The following COMP variants were observed in gnomAD, a reference collection of about 807,000 sequenced individuals.
COMP encodes the protein cartilage oligomeric matrix protein (pseudoachondroplasia, epiphyseal dysplasia 1, multiple).
COMP carries 79 observed loss-of-function variants against 95.8 expected under a neutral mutation model. The ratio of observed to expected loss-of-function variants is 0.82; its 90% confidence interval spans 0.69 to 0.99. The LOEUF is 0.99. Among genes scored for constraint, COMP ranks in the 50% least tolerant of loss-of-function variants. The pLI is 0.00. For synonymous variants in COMP, 438 were observed against 433.9 expected (o/e 1.01, Z -0.12); for missense variants, 906 against 1,076.1 (o/e 0.84, Z 2.21).
At position 18,790,932 on chromosome 19, in the gene COMP, G is replaced by C; in HGVS notation, c.83C>G (p.Ser28Ter). ...CCGAAGCATCTGCGGGCCCAGGTCT[G>C]AGCCTGCGGCGGCAGGGGACCTGGT... ...ASGQGQSPLG[S>*]DLGPQMLREL... Residue 28 changes from serine to a stop codon, truncating the protein, a stop_gained, in exon 2 of 19, where the codon TCA becomes TGA. Transcript: ENST00000222271. LOFTEE classifies it high-confidence loss of function. The C allele has an allele frequency of 1.9e-6, 3 of 1,558,426 alleles. No homozygotes were observed. The highest frequency in any genetic ancestry group is 2.6e-6 in the Non-Finnish European group (3 of 1,152,126).
In COMP at chr19:18,785,672, C is replaced by A. The variant is rs752778447; in HGVS notation, c.1668+1G>T. 4 of 1,613,486 alleles carry A rather than the reference C, an allele frequency of 2.5e-6. No individual in the cohort carries two copies. Among genetic ancestry groups the A allele is most frequent in the Non-Finnish European group, 2.5e-6 (3 of 1,180,020 alleles). On this transcript the variant is annotated splice_donor_variant, in intron 14 of 18. Coordinates refer to ENST00000222271, the MANE Select transcript of COMP (RefSeq NM_000095.3). LOFTEE classifies it high-confidence loss of function. ...ACCCCCCACGTGGACCCCGCTCCCA[C>A]CTGGTTGAGCACCACCCAGTTGGGG...
In COMP at chr19:18,784,401, G is replaced by C. The variant is rs1459788180; in HGVS notation, c.1915-38C>G. ...AGGAAAGGTGGTCAGAGACCTCGTGGGCCACCGGAGCCCCCCTAGACACCT... is the reference window on the plus strand; with the variant it reads ...AGGAAAGGTGGTCAGAGACCTCGTGCGCCACCGGAGCCCCCCTAGACACCT... On this transcript the variant is annotated intron_variant, in intron 16 of 18. Transcript: ENST00000222271. The surrounding 1 kb of genome is among the most constrained non-coding windows in gnomAD (Gnocchi z 4.9). 9.3e-6 allele frequency: 15 copies of C among 1,612,212 alleles called. No individual in the cohort carries two copies. The highest frequency in any genetic ancestry group is 1.3e-5 in the Non-Finnish European group (15 of 1,179,180).
rs1370839125 is a variant in COMP at position 18,790,125 on chromosome 19, G to T, written c.218-11C>A. The T allele has an allele frequency of 2.6e-6, 4 of 1,522,174 alleles. No individual in the cohort carries two copies. Among genetic ancestry groups the T allele is most frequent in the African/African-American group, 1.4e-5 (1 of 72,600 alleles). 94.3% of individuals were successfully genotyped at this position (1,522,174 alleles called of 1,614,324 possible). ...CTGACTGCTGCATCCCTGCGGGGGG[G>T]AGGGGGGAGAAGCGGCGGGGCTGAT... On this transcript the variant is annotated splice_polypyrimidine_tract_variant and intron_variant, in intron 3 of 18. Transcript: ENST00000222271.
rs766649088 is a variant in COMP at position 18,785,565 on chromosome 19, G to T, written c.1669-19C>A. The T allele has an allele frequency of 6.2e-7, 1 of 1,614,018 alleles. No homozygotes were observed. Among genetic ancestry groups the T allele is most frequent in the South Asian group, 1.1e-5 (1 of 91,072 alleles). On this transcript the variant is annotated intron_variant, in intron 14 of 18. Transcript: ENST00000222271. ...CCCTTCCCTGATGGGGTCAAAGAAAGGAGGGCCTCAGGCTGGCCGTGACAG... is the reference window on the plus strand; with the variant it reads ...CCCTTCCCTGATGGGGTCAAAGAAATGAGGGCCTCAGGCTGGCCGTGACAG...
rs759794906 is a variant in COMP, at chr19:18,790,928, G to A, written c.87C>T (p.Asp29=). ...GTTCCCGAAGCATCTGCGGGCCCAG[G>A]TCTGAGCCTGCGGCGGCAGGGGACC... ...SGQGQSPLGS[D]LGPQMLRELQ... The change falls in exon 2 of 19, where the codon GAC becomes GAT. Residue 29 remains aspartate, a synonymous_variant. Transcript: ENST00000222271. 4.2e-5 allele frequency: 65 copies of A among 1,559,528 alleles called. No individual in the cohort carries two copies. Among genetic ancestry groups the A allele is most frequent in the Non-Finnish European group, 5.2e-6 (6 of 1,152,784 alleles).
At position 18,791,288 on chromosome 19, in the gene COMP, G is replaced by T. The variant is rs1306253557; in HGVS notation, c.-19C>A. ...GGACCATGGCGGTGGCGGGGAGCTG[G>T]GTGGCTGCTCGCTTTCTACCGCCCA... is the stretch of plus-strand genomic sequence containing the variant. On this transcript the variant is annotated 5_prime_UTR_variant, in exon 1 of 19. Coordinates refer to ENST00000222271, the MANE Select transcript of COMP (RefSeq NM_000095.3). 4.4e-6 allele frequency: 7 copies of T among 1,580,802 alleles called. No homozygotes were observed. Among genetic ancestry groups the T allele is most frequent in the South Asian group, 3.5e-5 (3 of 86,816 alleles).
rs1311065591 is a variant in COMP, at chr19:18,789,251, C to G, written c.437G>C (p.Ser146Thr). The G allele has an allele frequency of 6.6e-7, 1 of 1,525,032 alleles. No homozygotes were observed. Among genetic ancestry groups the G allele is most frequent in the Non-Finnish European group, 8.7e-7 (1 of 1,143,624 alleles). The allele number at this position is 1,525,032 out of a possible 1,614,324, so 94.5% of individuals were successfully genotyped here. Residue 146 changes from serine to threonine, a missense_variant, in exon 5 of 19, where the codon AGC becomes ACC. Physicochemically the swap from Ser to Thr is moderately conservative, Grantham distance 58 (BLOSUM62 1). Transcript: ENST00000222271. The surrounding 1 kb of genome is among the most constrained non-coding windows in gnomAD (Gnocchi z 6.1). Reference sequence around the variant, plus strand: ...GCAAGCCTCGCAGCGGAACCCCGGGCTGGTGTTGATACAGCGGACTCGGGG... The same window carrying G: ...GCAAGCCTCGCAGCGGAACCCCGGGGTGGTGTTGATACAGCGGACTCGGGG... ...CFPRVRCINT[S>T]PGFRCEACPP... is the part of the protein sequence containing the mutation.
At chr19:18,787,881 T>TCTTTCTTTTTTTTGAGA (rs2055180562) in intron 9 of COMP, among the ~76,000 whole-genome samples, 1 of 87,994 alleles carries the variant, frequency 1.1e-5, no homozygotes, top group Non-Finnish European at 2.3e-5. Flanking sequence ...TTTCTTTCTT[T>TCTTTCTTTTTTTTGAGA]CTTTCTTTCT....
At position 18,789,800 on chromosome 19, in the gene COMP, G is replaced by C; in HGVS notation, c.390+142C>G. On this transcript the variant is annotated intron_variant, in intron 4 of 18. Transcript: ENST00000222271. This position sits in a 1 kb window ranked among gnomAD's most constrained non-coding sequence, Gnocchi z 6.1. The stretch of plus-strand genomic sequence containing the variant: ...GTTGGGCGTCCCCCCGCGGTAAGGA[G>C]GTAGTCTGGCCGTGCGCCCCCGGAG... The C allele has an allele frequency of 9.3e-7, 1 of 1,076,658 alleles. No individual in the cohort carries two copies. The highest frequency in any genetic ancestry group is 1.4e-6 in the Non-Finnish European group (1 of 730,408). 66.7% of individuals were successfully genotyped at this position (1,076,658 alleles called of 1,614,324 possible). A position where few individuals can be genotyped will look rare whatever the true frequency, so the allele number is the denominator to read the frequency against.
In COMP at chr19:18,789,055, C is replaced by T; in HGVS notation, c.528+105G>A. On this transcript the variant is annotated intron_variant, in intron 5 of 18. Transcript: ENST00000222271. The surrounding 1 kb of genome is among the most constrained non-coding windows in gnomAD (Gnocchi z 6.1). The stretch of plus-strand genomic sequence containing the variant: ...CCCTGGCGCAGCGGACCCCTCCTCT[C>T]CCCACCCCTCCCGCTGGAAGGAGGC... The T allele has an allele frequency of 2.6e-6, 4 of 1,539,870 alleles. No homozygotes were observed. Among genetic ancestry groups the T allele is most frequent in the Non-Finnish European group, 3.5e-6 (4 of 1,136,038 alleles).
At position 18,784,777 on chromosome 19, in the gene COMP, T is replaced by G; in HGVS notation, c.1914+119A>C. 1 of 1,142,900 alleles carries G rather than the reference T, an allele frequency of 8.7e-7. No individual in the cohort carries two copies. Among genetic ancestry groups the G allele is most frequent in the Non-Finnish European group, 1.3e-6 (1 of 774,324 alleles). 70.8% of individuals were successfully genotyped at this position (1,142,900 alleles called of 1,614,324 possible). ...GAGCCCAGAGGAGGGCTGGGACAGC[T>G]TTGAGGTCCATAGTATGAGGCTAGG... is the stretch of plus-strand genomic sequence containing the variant. On this transcript the variant is annotated intron_variant, in intron 16 of 18. Transcript: ENST00000222271. The surrounding 1 kb of genome is among the most constrained non-coding windows in gnomAD (Gnocchi z 4.9).
chr19:18,790,772 T>G, intron 2 of COMP, 78 bp downstream of exon 2: 1 of 1,589,092 alleles, frequency 6.3e-7, no homozygotes, highest in Non-Finnish European at 8.5e-7. Flanking sequence ...CCTTCTCGGG[T>G]ACTTCCTCTC....
Position 18,789,299 on chromosome 19 carries a change from T to A in COMP, c.391-2A>T. ...GGGGAAGCAGGGGTGGGCGTTGCACTGGGGGAGGAGGGGCCACAGAGGGTC... is the reference window on the plus strand; with the variant it reads ...GGGGAAGCAGGGGTGGGCGTTGCACAGGGGGAGGAGGGGCCACAGAGGGTC... On this transcript the variant is annotated splice_acceptor_variant, in intron 4 of 18. Transcript: ENST00000222271. LOFTEE classifies it high-confidence loss of function. This position sits in a 1 kb window ranked among gnomAD's most constrained non-coding sequence, Gnocchi z 6.1. The A allele has an allele frequency of 6.8e-7, 1 of 1,474,470 alleles. No individual in the cohort carries two copies. The highest frequency in any genetic ancestry group is 9.0e-7 in the Non-Finnish European group (1 of 1,114,466). The allele number at this position is 1,474,470 out of a possible 1,614,324, so 91.3% of individuals were successfully genotyped here. A position where few individuals can be genotyped will look rare whatever the true frequency, so the allele number is the denominator to read the frequency against.
chr19:18,786,661 C>G lies in COMP; in HGVS notation c.1136-11G>C, dbSNP rs1402953483. 1.2e-6 allele frequency: 2 copies of G among 1,605,406 alleles called. No homozygotes were observed. Among genetic ancestry groups the G allele is most frequent in the Non-Finnish European group, 1.7e-6 (2 of 1,173,404 alleles). On this transcript the variant is annotated splice_polypyrimidine_tract_variant and intron_variant, in intron 10 of 18. Transcript: ENST00000222271. ...CCTGGTTGCGGATCCCTGCAGAAAT[C>G]CACGGGACCAGAGCCCCAAGATTGG...
chr19:18,787,472 C>T lies in COMP; in HGVS notation c.1135+19G>A. On this transcript the variant is annotated intron_variant, in intron 10 of 18. Coordinates refer to ENST00000222271, the MANE Select transcript of COMP (RefSeq NM_000095.3). ...GTGCCCGCCGCCTCTCCTCGCCCCC[C>T]AACCCCCATCGAGCTCACGGTCGCC... The T allele has an allele frequency of 6.2e-7, 1 of 1,609,976 alleles. No individual in the cohort carries two copies. Among genetic ancestry groups the T allele is most frequent in the Non-Finnish European group, 8.5e-7 (1 of 1,179,932 alleles).
chr19:18,788,909 C>A lies in COMP; in HGVS notation c.533G>T (p.Cys178Phe). ...GGTCTCACACTCGTTGATGTCCGTG[C>A]AAACCTAGGGGAGGGGAACTCAGAG... ...LAFAKANKQV[C>F]TDINECETGQ... The change falls in exon 6 of 19, where the codon TGC (cysteine) becomes TTC (phenylalanine). Residue 178 changes from cysteine to phenylalanine, a missense_variant. Cys to Phe is a radical substitution (Grantham distance 205, BLOSUM62 -2). Transcript: ENST00000222271. The surrounding 1 kb of genome is among the most constrained non-coding windows in gnomAD (Gnocchi z 4.7). The A allele has an allele frequency of 6.2e-7, 1 of 1,613,508 alleles. No homozygotes were observed.
chr19:18,789,807 TG>T lies in COMP; in HGVS notation c.390+134del. 1 of 1,150,488 alleles carries T rather than the reference TG, an allele frequency of 8.7e-7. No homozygotes were observed. The highest frequency in any genetic ancestry group is 1.3e-6 in the Non-Finnish European group (1 of 797,554). The allele number at this position is 1,150,488 out of a possible 1,614,324, so 71.3% of individuals were successfully genotyped here. ...GTCCCCCCGCGGTAAGGAGGTAGTCTGGCCGTGCGCCCCCGGAGGTGAGAGG... is the reference window on the plus strand; with the variant it reads ...GTCCCCCCGCGGTAAGGAGGTAGTCTGCCGTGCGCCCCCGGAGGTGAGAGG... On this transcript the variant is annotated intron_variant, in intron 4 of 18. Coordinates refer to ENST00000222271, the MANE Select transcript of COMP (RefSeq NM_000095.3). The surrounding 1 kb of genome is among the most constrained non-coding windows in gnomAD (Gnocchi z 6.1).
At position 18,789,968 on chromosome 19, in the gene COMP, C is replaced by A. The variant is rs2055199842; in HGVS notation, c.364G>T (p.Gly122Cys). The A allele has an allele frequency of 6.3e-7, 1 of 1,595,226 alleles. No individual in the cohort carries two copies. The highest frequency in any genetic ancestry group is 1.3e-5 in the African/African-American group (1 of 74,894). Reference sequence around the variant, plus strand: ...TCGTTGACGTCGGTGCAGTGCGAGCCGTTGCCCGTGAAGCCCGCGGGGCAG... The same window carrying A: ...TCGTTGACGTCGGTGCAGTGCGAGCAGTTGCCCGTGAAGCCCGCGGGGCAG... ...GPCPAGFTGN[G>C]SHCTDVNECN... Residue 122 changes from glycine (G) to cysteine (C), a missense_variant, in exon 4 of 19, where the codon GGC (glycine) becomes TGC (cysteine). Physicochemically the swap from Gly to Cys is radical, Grantham distance 159. Transcript: ENST00000222271. The surrounding 1 kb of genome is among the most constrained non-coding windows in gnomAD (Gnocchi z 6.1).
chr19:18,791,068 T>G (rs959859301), intron 1 of COMP, 123 bp downstream of exon 1: 1 of 1,503,134 alleles, frequency 6.7e-7, no homozygotes, highest in African/African-American at 1.4e-5. Flanking sequence ...ACCTGCTTTC[T>G]GCGCCCGGCA....
Sources: allele counts gnomAD v4.1 joint callset (sites outside exome capture counted in the v4.1 genomes callset), GRCh38; gene constraint gnomAD v4.1.1; non-coding constraint Gnocchi (gnomAD v3.1); transcripts MANE v1.5; gene names NCBI Gene and HGNC (gene_info 2026-07-23, HGNC 2026-07-21).